PPP3CA: variants seen among roughly 807,000 people sequenced by gnomAD.
The protein encoded by PPP3CA is protein phosphatase 3 catalytic subunit alpha, also known as CAM-PRP catalytic subunit.
A neutral mutation model predicts 66.5 loss-of-function variants in PPP3CA; 14 were observed. The ratio of observed to expected loss-of-function variants is 0.21; its 90% CI spans 0.14 to 0.33. PPP3CA has a LOEUF of 0.33. PPP3CA is among the 10% of genes least tolerant of loss of function. The pLI is 1.00. For synonymous variants in PPP3CA, 232 were observed against 226.2 expected (o/e 1.03, Z -0.23); for missense variants, 317 against 639.5 (o/e 0.50, Z 5.44).
chr4:101,168,574 G>A (rs1723768236), intron 2 of PPP3CA, among the ~76,000 whole-genome samples: 1 of 152,154 alleles, frequency 6.6e-6, no homozygotes. Context: ...CCTCCAAGGA[G>A]ACTAAGTAAA....
chr4:101,068,424 A>G (rs1376851504), intron 8 of PPP3CA, among the ~76,000 whole-genome samples: 2 of 152,056 alleles, frequency 1.3e-5, no homozygotes, highest in Non-Finnish European at 2.9e-5. Context: ...TGCAACTCAT[A>G]ATGTTCTATG....
At chr4:101,139,091 T>TC (rs1387334729) in intron 2 of PPP3CA, among the ~76,000 whole-genome samples, 1 of 152,136 alleles carries the variant, frequency 6.6e-6, no homozygotes, top group Non-Finnish European at 1.5e-5. Context: ...ACTCCTGTAA[T>TC]CCCAGCACTT....
intron 8 of PPP3CA, among the ~76,000 whole-genome samples, chr4:101,072,264 T>TTTC (rs1728948823): frequency 6.6e-6 from 1 of 152,242 alleles, no homozygotes; most frequent in African/African-American, 2.4e-5. Context: ...AAAAGCTTTC[T>TTTC]TTTCTTATTG....
rs5860656 is a variant in PPP3CA at position 101,106,454 on chromosome 4, A to AAAGAAG, written c.384+2499_384+2500insCTTCTT. On this transcript the variant is annotated intron_variant, in intron 3 of 13. Coordinates refer to ENST00000394854, the MANE Select transcript of PPP3CA (RefSeq NM_000944.5). ...GAAAGAAAGAAAGAAAGAAAGAAAGAGAAAAGAAAAGAAAAGAAAAGAAAA... is the reference window on the plus strand; with the variant it reads ...GAAAGAAAGAAAGAAAGAAAGAAAGAAAGAAGGAAAAGAAAAGAAAAGAAAAGAAAA... Among the ~76,000 whole-genome samples, 3 of 7,150 alleles carry AAAGAAG rather than the reference A, an allele frequency of 4.2e-4. 1 individual carries two copies. Among genetic ancestry groups the AAAGAAG allele is most frequent in the African/African-American group, 2.9e-3 (3 of 1,048 alleles). 4.7% of individuals were successfully genotyped at this position (7,150 alleles called of 152,430 possible).
At chr4:101,338,850 A>T (rs1729719084) in intron 1 of PPP3CA, among the ~76,000 whole-genome samples, 1 of 152,250 alleles carries the variant, frequency 6.6e-6, no homozygotes, top group African/African-American at 2.4e-5. Flanking sequence ...ATCATTTTTT[A>T]AAATCAAATT....
At chr4:101,139,668 C>T (rs986397087) in intron 2 of PPP3CA, among the ~76,000 whole-genome samples, 1 of 147,746 alleles carries the variant, frequency 6.8e-6, no homozygotes, top group African/African-American at 2.5e-5. Context: ...ATCTTCTACC[C>T]AAAGTGACTT....
intron 6 of PPP3CA, among the ~76,000 whole-genome samples, chr4:101,085,474 T>C (rs762501159): frequency 1.4e-4 from 21 of 152,200 alleles, no homozygotes; most frequent in Admixed American, 4.6e-4. Flanking sequence ...TGATTTTTAT[T>C]GGAAATCTGA....
intron 6 of PPP3CA, among the ~76,000 whole-genome samples, chr4:101,090,626 A>G (rs1578436571): frequency 8.3e-6 from 1 of 121,132 alleles, no homozygotes; most frequent in African/African-American, 3.4e-5. Flanking sequence ...TGGGTGACAG[A>G]GTGAGACTCT....
In PPP3CA at chr4:101,202,171, GC is replaced by G. The variant is rs947049105; in HGVS notation, c.59-6056del. Among the ~76,000 whole-genome samples, 113 of 152,158 alleles carry G rather than the reference GC, an allele frequency of 7.4e-4. 1 individual carries two copies. Among genetic ancestry groups the G allele is most frequent in the African/African-American group, 2.6e-3 (110 of 41,530 alleles). ...TTCTTGGAAACTCTTTGATCCAGTT[GC>G]AGATTTCTCTTATTTAAAGTATATT... On this transcript the variant is annotated intron_variant, in intron 1 of 13. Transcript: ENST00000394854.
At chr4:101,073,116 C>G (rs900941687) in intron 8 of PPP3CA, among the ~76,000 whole-genome samples, 2 of 151,676 alleles carry the variant, frequency 1.3e-5, no homozygotes, top group African/African-American at 4.8e-5. Context: ...GAATTTTAAT[C>G]ATTCATCTCA....
At chr4:101,256,480 A>C (rs941910698) in intron 1 of PPP3CA, among the ~76,000 whole-genome samples, 1 of 151,998 alleles carries the variant, frequency 6.6e-6, no homozygotes, top group Admixed American at 6.6e-5. Flanking sequence ...TGTACTTTAA[A>C]GCAATCAAAA....
chr4:101,278,149 T>TAAAAAAAAAAAAAAAAAAAAAA (rs1200528599), intron 1 of PPP3CA, among the ~76,000 whole-genome samples: 20 of 119,552 alleles, frequency 1.7e-4, no homozygotes, highest in African/African-American at 7.3e-4. Context: ...ATAAAAAAAT[T>TAAAAAAAAAAAAAAAAAAAAAA]AAAAAGTTAT....
At chr4:101,101,300 G>A (rs762013032) in intron 3 of PPP3CA, among the ~76,000 whole-genome samples, 1 of 152,080 alleles carries the variant, frequency 6.6e-6, no homozygotes, top group Non-Finnish European at 1.5e-5. Context: ...TACAGATCGG[G>A]TTTTATAGCT....
At chr4:101,260,163 G>A (rs1339931683) in intron 1 of PPP3CA, among the ~76,000 whole-genome samples, 1 of 152,062 alleles carries the variant, frequency 6.6e-6, no homozygotes, top group East Asian at 1.9e-4. Context: ...AACGACAAAG[G>A]TGCAAACTGC....
intron 10 of PPP3CA, among the ~76,000 whole-genome samples, chr4:101,042,640 T>A (rs559795244): frequency 6.6e-6 from 1 of 152,178 alleles, no homozygotes; most frequent in East Asian, 1.9e-4. Flanking sequence ...GTGTGCAGGA[T>A]CCCTACCTCT....
chr4:101,245,126 G>A (rs1041319344), intron 1 of PPP3CA, among the ~76,000 whole-genome samples: 2 of 151,960 alleles, frequency 1.3e-5, no homozygotes, highest in African/African-American at 4.8e-5. Flanking sequence ...CTTTTTAAAA[G>A]ATAAAAAGAA....
chr4:101,161,833 G>GCTTT (rs1723519495), intron 2 of PPP3CA, among the ~76,000 whole-genome samples: 2 of 152,148 alleles, frequency 1.3e-5, no homozygotes, highest in Non-Finnish European at 2.9e-5. Flanking sequence ...TACCATAATA[G>GCTTT]GAGTTGCCTA....
At chr4:101,075,525 G>T (rs1729148881) in intron 8 of PPP3CA, among the ~76,000 whole-genome samples, 1 of 152,104 alleles carries the variant, frequency 6.6e-6, no homozygotes, top group African/African-American at 2.4e-5. Context: ...GAACTACAAA[G>T]AACTTGTACC....
intron 1 of PPP3CA, among the ~76,000 whole-genome samples, chr4:101,260,426 A>G (rs3804420): frequency 0.65 from 99,289 of 152,030 alleles, 33,535 homozygotes; most frequent in Middle Eastern, 0.75. Context: ...ACCTGATAAA[A>G]TCATTCCTTA....
Sources: gnomAD v4.1 joint callset for allele counts (sites outside exome capture counted in the v4.1 genomes callset) on GRCh38, gnomAD v4.1.1 for gene constraint, MANE v1.5 for transcripts, NCBI Gene and HGNC (gene_info 2026-07-23, HGNC 2026-07-21) for gene names.